Variants in DOCK2 observed in about 807,000 individuals in gnomAD.
The protein encoded by DOCK2 is dedicator of cytokinesis 2.
In DOCK2, 87 loss-of-function variants were observed where a neutral mutation model predicts 248.9. That is an observed-to-expected ratio of 0.35 (90% CI 0.29 to 0.42). The LOEUF (loss-of-function observed/expected upper bound fraction) is 0.42. Ranked by LOEUF, DOCK2 falls within the 10% of genes least tolerant of loss-of-function variation. DOCK2 has a pLI of 1.00. For missense variants in DOCK2, 1,747 were observed against 2,300.2 expected (o/e 0.76, Z 4.92); for synonymous variants, 805 against 821.6 (o/e 0.98, Z 0.35).
intron 1 of DOCK2, among the ~76,000 whole-genome samples, chr5:169,645,220 C>T (rs1377961960): frequency 6.6e-6 from 1 of 152,144 alleles, no homozygotes; most frequent in African/African-American, 2.4e-5. Flanking sequence ...AATTGTTTTC[C>T]ACAATAGTTG....
At chr5:169,975,514 G>A (rs1041442632) in intron 27 of DOCK2, among the ~76,000 whole-genome samples, 4 of 152,044 alleles carry the variant, frequency 2.6e-5, no homozygotes, top group African/African-American at 9.7e-5. Flanking sequence ...CCACCACACT[G>A]AACTTCTTTC....
intron 27 of DOCK2, among the ~76,000 whole-genome samples, chr5:169,886,892 G>A (rs951484520): frequency 1.3e-5 from 2 of 152,216 alleles, no homozygotes; most frequent in Non-Finnish European, 2.9e-5. Flanking sequence ...AATGTCTAGT[G>A]CATTGATTAT....
intron 22 of DOCK2, 138 bp downstream of exon 22, chr5:169,718,929 G>C: frequency 8.6e-7 from 1 of 1,156,648 alleles, no homozygotes; most frequent in Non-Finnish European, 1.2e-6. Context: ...ATCCAACCTA[G>C]AGAGTAATGA....
At chr5:169,640,079 C>T (rs754539317) in intron 1 of DOCK2, among the ~76,000 whole-genome samples, 79 of 152,240 alleles carry the variant, frequency 5.2e-4, no homozygotes, top group Middle Eastern at 3.4e-3. Context: ...ATGAGAACAC[C>T]GGTCATATTG....
chr5:169,946,460 T>C (rs1776453414), intron 27 of DOCK2, among the ~76,000 whole-genome samples: 1 of 152,208 alleles, frequency 6.6e-6, no homozygotes. Context: ...CAGGAGTGTT[T>C]TGGAAATTGA....
intron 20 of DOCK2, among the ~76,000 whole-genome samples, chr5:169,716,776 C>G (rs1761935679): frequency 6.6e-6 from 1 of 152,142 alleles, no homozygotes; most frequent in South Asian, 2.1e-4. Context: ...TTAGTCCTCC[C>G]CTATGGTCTT....
At chr5:169,860,911 A>G (rs1479930882) in intron 27 of DOCK2, among the ~76,000 whole-genome samples, 1 of 152,214 alleles carries the variant, frequency 6.6e-6, no homozygotes, top group Admixed American at 6.5e-5. Flanking sequence ...TTCATATTCT[A>G]TTTTTGGAAC....
intron 27 of DOCK2, among the ~76,000 whole-genome samples, chr5:169,903,607 A>G (rs188426587): frequency 2.0e-5 from 3 of 152,254 alleles, no homozygotes; most frequent in East Asian, 3.9e-4. Flanking sequence ...AGTAGGTACA[A>G]AGGCCTCCAA....
chr5:169,780,803 A>G (rs894098884), intron 25 of DOCK2, among the ~76,000 whole-genome samples: 1 of 152,234 alleles, frequency 6.6e-6, no homozygotes, highest in Non-Finnish European at 1.5e-5. Context: ...ACTTTAAGTG[A>G]AATGATGTAT....
intron 29 of DOCK2, among the ~76,000 whole-genome samples, chr5:169,988,255 G>GA (rs1778119254): frequency 6.6e-6 from 1 of 151,960 alleles, no homozygotes; most frequent in Non-Finnish European, 1.5e-5. Flanking sequence ...TTTGCATTTT[G>GA]TATATTATAA....
intron 27 of DOCK2, among the ~76,000 whole-genome samples, chr5:169,897,224 C>A (rs535738649): frequency 6.6e-6 from 1 of 152,158 alleles, no homozygotes; most frequent in East Asian, 1.9e-4. Context: ...CTTGCTCTGC[C>A]ACCAGGCTGG....
intron 25 of DOCK2, among the ~76,000 whole-genome samples, chr5:169,767,496 G>A (rs1764858950): frequency 6.6e-6 from 1 of 152,178 alleles, no homozygotes; most frequent in Admixed American, 6.5e-5. Flanking sequence ...AATGTGAATA[G>A]GAGTGTCATA....
chr5:170,029,021 T>C (rs189893519), intron 34 of DOCK2, among the ~76,000 whole-genome samples: 264 of 152,332 alleles, frequency 1.7e-3, no homozygotes, highest in Admixed American at 3.7e-3. Context: ...ACTATTCGTA[T>C]TGATTCTTCT....
intron 27 of DOCK2, among the ~76,000 whole-genome samples, chr5:169,955,996 G>A (rs542573195): frequency 2.0e-4 from 31 of 151,600 alleles, no homozygotes; most frequent in Admixed American, 5.9e-4. Context: ...TGGCTCTGGA[G>A]CTCAGGGAAA....
intron 46 of DOCK2, among the ~76,000 whole-genome samples, chr5:170,071,024 G>A (rs1757662372): frequency 6.6e-6 from 1 of 152,140 alleles, no homozygotes. Context: ...ACCACCCGCT[G>A]CTCCTGAGAC....
chr5:169,960,764 A>AAATCC (rs1436510264), intron 27 of DOCK2, among the ~76,000 whole-genome samples: 1 of 152,202 alleles, frequency 6.6e-6, no homozygotes, highest in African/African-American at 2.4e-5. Flanking sequence ...ATTAAATGGA[A>AAATCC]AATCCACAGA....
intron 32 of DOCK2, among the ~76,000 whole-genome samples, chr5:170,015,251 C>T (rs1238449137): frequency 4.6e-5 from 7 of 152,152 alleles, no homozygotes; most frequent in African/African-American, 1.4e-4. Flanking sequence ...ACTTAAGCTT[C>T]GACAATTCTA....
intron 14 of DOCK2, among the ~76,000 whole-genome samples, chr5:169,707,083 T>C (rs1258256050): frequency 6.6e-6 from 1 of 152,198 alleles, no homozygotes; most frequent in Non-Finnish European, 1.5e-5. Context: ...AATCTGGCAA[T>C]TTGAGGATTG....
intron 23 of DOCK2, among the ~76,000 whole-genome samples, chr5:169,751,689 TTTTC>T (rs1763902498): frequency 1.3e-5 from 2 of 152,204 alleles, no homozygotes; most frequent in African/African-American, 4.8e-5. Flanking sequence ...TTTCTGTGGT[TTTTC>T]TTATTGTTCT....
Sources: allele counts gnomAD v4.1 joint callset (sites outside exome capture counted in the v4.1 genomes callset), GRCh38; gene constraint gnomAD v4.1.1; transcripts MANE v1.5; gene names NCBI Gene and HGNC (gene_info 2026-07-23, HGNC 2026-07-21).